ATP10B: variants seen among roughly 807,000 people sequenced by gnomAD.
ATP10B encodes phospholipid-transporting ATPase VB.
Under a neutral mutation model 141.2 loss-of-function variants are expected in ATP10B, and 122 were observed. The observed-to-expected ratio is 0.86, with a 90% CI of 0.75 to 1.00. The LOEUF (loss-of-function observed/expected upper bound fraction) is 1.00. ATP10B is among the 50% of genes least tolerant of loss of function. The pLI, the probability that ATP10B is intolerant of heterozygous loss-of-function variation, is 0.00. For synonymous variants in ATP10B, 685 were observed against 692.0 expected (o/e 0.99, Z 0.16); for missense variants, 1,876 against 1,825.3 (o/e 1.03, Z -0.51).
At chr5:160,817,711 A>G (rs964388578) in intron 1 of ATP10B, among the ~76,000 whole-genome samples, 4 of 152,208 alleles carry the variant, frequency 2.6e-5, no homozygotes, top group Non-Finnish European at 5.9e-5. Flanking sequence ...AGCCAAAAGA[A>G]CAAAGCTGGA....
chr5:160,738,007 T>C (rs1767235319), intron 2 of ATP10B, among the ~76,000 whole-genome samples: 1 of 152,074 alleles, frequency 6.6e-6, no homozygotes, highest in African/African-American at 2.4e-5. Flanking sequence ...CAGGCACAGT[T>C]TTTTCAAGGA....
At chr5:160,642,118 G>A (rs111872271) in intron 9 of ATP10B, among the ~76,000 whole-genome samples, 3,362 of 152,240 alleles carry the variant, frequency 0.022, 121 homozygotes, top group African/African-American at 0.073. Context: ...CTCTAGAGTC[G>A]GAGCTCAGCT....
the ATP10B span, among the ~76,000 whole-genome samples, chr5:160,866,461 G>A: frequency 6.6e-6 from 1 of 152,070 alleles, no homozygotes; most frequent in Admixed American, 6.6e-5. Context: ...ATCACCTGAA[G>A]TCAGGAGTTC....
chr5:160,755,871 A>ATATATG (rs1768554943), intron 2 of ATP10B, among the ~76,000 whole-genome samples: 3 of 114,662 alleles, frequency 2.6e-5, no homozygotes, highest in East Asian at 2.5e-4. Flanking sequence ...ATATATATAT[A>ATATATG]TATATATTAT....
the ATP10B span, among the ~76,000 whole-genome samples, chr5:160,874,027 C>G: frequency 6.6e-6 from 1 of 152,212 alleles, no homozygotes; most frequent in South Asian, 2.1e-4. Context: ...CTGGGTGGAG[C>G]CCACCACAGC....
rs1211460534 is a variant in ATP10B, at chr5:160,688,782, G to C, written c.-43C>G. On this transcript the variant is annotated 5_prime_UTR_variant, in exon 4 of 26. Coordinates refer to ENST00000327245, the MANE Select transcript of ATP10B (RefSeq NM_025153.3). The stretch of plus-strand genomic sequence containing the variant: ...CACCTGTGGCCGGAACCTCAAAGGA[G>C]AGTGATAAGTAGAATAGATGGGAGA... 1.0e-6 allele frequency: 1 copy of C among 985,348 alleles called. No individual in the cohort carries two copies. The highest frequency in any genetic ancestry group is 1.2e-6 in the Non-Finnish European group (1 of 829,950). 61.0% of individuals were successfully genotyped at this position (985,348 alleles called of 1,614,324 possible).
In ATP10B at chr5:160,634,396, G is replaced by A. The variant is rs753653420; in HGVS notation, c.1339C>T (p.Arg447Cys). 2.6e-5 allele frequency: 42 copies of A among 1,614,010 alleles called. No homozygotes were observed. Among genetic ancestry groups the A allele is most frequent in the South Asian group, 2.3e-4 (21 of 91,078 alleles). Residue 447 changes from arginine (R) to cysteine (C), a missense_variant, in exon 12 of 26, where the codon CGT becomes TGT. Coordinates refer to ENST00000327245, the MANE Select transcript of ATP10B (RefSeq NM_025153.3). Reference protein sequence around the residue: ...TLTENKMVFRRCTIMGSEYSH... With the variant: ...TLTENKMVFRCCTIMGSEYSH... Reference sequence around the variant, plus strand: ...TACTCGCTGCCCATGATGGTGCAACGTCGGAACACCATCTTGTTCTCTGTC... The same window carrying A: ...TACTCGCTGCCCATGATGGTGCAACATCGGAACACCATCTTGTTCTCTGTC...
At chr5:160,692,865 T>A (rs993782630) in intron 3 of ATP10B, 6 of 152,210 alleles carry the variant, frequency 3.9e-5, no homozygotes, top group African/African-American at 1.4e-4. Flanking sequence ...TCGGTAGCCC[T>A]CCAATTAAAT....
At chr5:160,872,199 T>C in the ATP10B span, among the ~76,000 whole-genome samples, 1,040 of 152,314 alleles carry the variant, frequency 6.8e-3, 15 homozygotes, top group African/African-American at 0.023. Context: ...TTTTGAGAAC[T>C]GGCTATTCAT....
At chr5:160,744,774 A>C (rs973217527) in intron 2 of ATP10B, among the ~76,000 whole-genome samples, 13 of 152,228 alleles carry the variant, frequency 8.5e-5, no homozygotes, top group African/African-American at 3.1e-4. Flanking sequence ...TGAGACAGAC[A>C]ATTTACATAT....
chr5:160,582,991 A>G (rs1353554611), intron 24 of ATP10B, among the ~76,000 whole-genome samples: 1 of 151,974 alleles, frequency 6.6e-6, no homozygotes, highest in Admixed American at 6.6e-5. Flanking sequence ...ATCTTTTTTC[A>G]AGGTTCTTAG....
At chr5:160,763,254 A>G (rs1252622671) in intron 2 of ATP10B, among the ~76,000 whole-genome samples, 2 of 152,172 alleles carry the variant, frequency 1.3e-5, no homozygotes, top group Non-Finnish European at 2.9e-5. Flanking sequence ...CAACTGCAGA[A>G]TATACATTCT....
At chr5:160,798,591 A>G (rs1772126603) in intron 1 of ATP10B, among the ~76,000 whole-genome samples, 1 of 152,156 alleles carries the variant, frequency 6.6e-6, no homozygotes, top group South Asian at 2.1e-4. Context: ...GACCCTTCGA[A>G]GAGAGAATGG....
At chr5:160,754,706 G>C (rs565159900) in intron 2 of ATP10B, among the ~76,000 whole-genome samples, 1 of 152,256 alleles carries the variant, frequency 6.6e-6, no homozygotes, top group Non-Finnish European at 1.5e-5. Flanking sequence ...ATCACCAAAT[G>C]ACTATACCAG....
Position 160,620,455 on chromosome 5 carries a change from T to C in ATP10B, c.2308A>G (p.Arg770Gly). 6.2e-7 allele frequency: 1 copy of C among 1,614,206 alleles called. No homozygotes were observed. Among genetic ancestry groups the C allele is most frequent in the Non-Finnish European group, 8.5e-7 (1 of 1,180,018 alleles). Residue 770 changes from arginine to glycine, a missense_variant, in exon 15 of 26, where the codon AGG becomes GGG. Physicochemically the swap from Arg to Gly is moderately radical, Grantham distance 125. Coordinates refer to ENST00000327245, the MANE Select transcript of ATP10B (RefSeq NM_025153.3). ...LLCTLGFDSVRKRMSVVVRHP... is the reference protein window; with the variant it reads ...LLCTLGFDSVGKRMSVVVRHP... ...CTCACAACCACAGACATTCTCTTCC[T>C]GACAGAGTCAAAGCCCAGGGTGCAG...
At chr5:160,823,014 A>ATATATG (rs1774276659) in intron 1 of ATP10B, among the ~76,000 whole-genome samples, 1 of 117,862 alleles carries the variant, frequency 8.5e-6, no homozygotes, top group Non-Finnish European at 1.8e-5. Context: ...ATATATATAT[A>ATATATG]TATATATATA....
chr5:160,880,248 T>C, the ATP10B span, among the ~76,000 whole-genome samples: 1 of 146,702 alleles, frequency 6.8e-6, no homozygotes, highest in South Asian at 2.1e-4. Context: ...TTTTATATAT[T>C]ATATATAAAT....
Position 160,603,979 on chromosome 5 carries a change from G to C in ATP10B, c.3223C>G (p.Gln1075Glu). ...AADIGIGISG[Q>E]EGMQAVMSSD... is the part of the protein sequence containing the mutation. ...GAGAACAATACCTGCATGCCTTCCT[G>C]TCCAGATATTCCAATTCCAATATCA... The change falls in exon 20 of 26, where the codon CAG becomes GAG. Residue 1075 changes from glutamine (Q) to glutamate (E), a missense_variant. Gln to Glu is a conservative substitution (Grantham distance 29). Transcript: ENST00000327245. The C allele has an allele frequency of 6.2e-7, 1 of 1,613,496 alleles. No homozygotes were observed. Among genetic ancestry groups the C allele is most frequent in the Non-Finnish European group, 8.5e-7 (1 of 1,179,598 alleles).
At chr5:160,854,162 C>A (rs895668791), upstream of ATP10B, among the ~76,000 whole-genome samples, 17 of 152,078 alleles carry the variant, frequency 1.1e-4, no homozygotes, top group African/African-American at 3.9e-4. Flanking sequence ...ACAAGCTGTG[C>A]AAGTGTTATT....
Sources: allele counts gnomAD v4.1 joint callset (sites outside exome capture counted in the v4.1 genomes callset), GRCh38; gene constraint gnomAD v4.1.1; transcripts MANE v1.5; gene names NCBI Gene and HGNC (gene_info 2026-07-23, HGNC 2026-07-21).